Variants in COL26A1 observed in about 807,000 individuals in gnomAD.
COL26A1 encodes collagen alpha-1(XXVI) chain.
A neutral mutation model predicts 59.3 loss-of-function variants in COL26A1; 41 were observed. The observed-to-expected ratio is 0.69, with a 90% CI of 0.54 to 0.90. The LOEUF (loss-of-function observed/expected upper bound fraction) is 0.90, where lower values mean the gene tolerates loss of function less well. COL26A1 is among the 40% of genes least tolerant of loss of function. The pLI is 0.00. For missense variants in COL26A1, 612 were observed against 602.3 expected, an observed-to-expected ratio of 1.02 and a Z score of -0.17; for synonymous variants, 266 against 256.0, an observed-to-expected ratio of 1.04 and a Z score of -0.37.
chr7:101,557,403 A>C lies in COL26A1; in HGVS notation c.1199A>C (p.Gln400Pro), dbSNP rs1343210634. The C allele has an allele frequency of 6.2e-7, 1 of 1,613,798 alleles. No homozygotes were observed. Among genetic ancestry groups the C allele is most frequent in the South Asian group, 1.1e-5 (1 of 91,044 alleles). ...PLASPEGGSGQDAALRANLKM... is the reference protein window; with the variant it reads ...PLASPEGGSGPDAALRANLKM... ...GCCTCCCCAGAGGGAGGTTCTGGCC[A>C]GGATGCTGCCCTGAGAGCCAACCTC... The change falls in exon 13 of 13, where the codon CAG (glutamine) becomes CCG (proline). Residue 400 changes from glutamine (Q) to proline (P), a missense_variant. Gln to Pro is a moderately conservative substitution (Grantham distance 76). Transcript: ENST00000313669.
At chr7:101,400,309 G>A (rs1433946089) in intron 1 of COL26A1, among the ~76,000 whole-genome samples, 1 of 148,286 alleles carries the variant, frequency 6.7e-6, no homozygotes, top group African/African-American at 2.5e-5. Context: ...AGTGGGCTTT[G>A]TCCCTTCCAG....
intron 3 of COL26A1, among the ~76,000 whole-genome samples, chr7:101,515,991 G>A (rs974033801): frequency 5.9e-5 from 9 of 152,184 alleles, no homozygotes; most frequent in African/African-American, 1.7e-4. Context: ...GGGATGCTTT[G>A]TAACGCATCG....
intron 2 of COL26A1, among the ~76,000 whole-genome samples, chr7:101,425,222 T>TAA (rs887103976): frequency 9.2e-5 from 14 of 152,030 alleles, no homozygotes; most frequent in Admixed American, 6.5e-4. Context: ...CTGTCTCTAC[T>TAA]AAAAATACAA....
At chr7:101,460,225 T>G (rs1184699292) in intron 3 of COL26A1, among the ~76,000 whole-genome samples, 1 of 151,622 alleles carries the variant, frequency 6.6e-6, no homozygotes, top group East Asian at 1.9e-4. Context: ...TGGTGGAGAG[T>G]GTGCAGGGGC....
chr7:101,549,250 G>T, intron 9 of COL26A1, 27 bp downstream of exon 9: 3 of 1,571,242 alleles, frequency 1.9e-6, no homozygotes, highest in African/African-American at 2.7e-5. Context: ...TTTAGGTAGG[G>T]TGTGGGAGGC....
At chr7:101,441,851 T>C (rs947172983) in intron 2 of COL26A1, among the ~76,000 whole-genome samples, 3 of 152,150 alleles carry the variant, frequency 2.0e-5, no homozygotes, top group Admixed American at 1.3e-4. Context: ...GTCTGTATTT[T>C]GCAAACCCAG....
chr7:101,489,758 CTTTCTTTCTT>C (rs1563007785), intron 3 of COL26A1, among the ~76,000 whole-genome samples: 7 of 3,864 alleles, frequency 1.8e-3, no homozygotes, highest in East Asian at 0.01. Flanking sequence ...TCTTGTCTCT[CTTTCTTTCTT>C]TCTTTCTTTC....
chr7:101,442,579 G>T (rs1793085022), intron 2 of COL26A1, among the ~76,000 whole-genome samples: 1 of 152,180 alleles, frequency 6.6e-6, no homozygotes, highest in South Asian at 2.1e-4. Context: ...ACATCATATA[G>T]GGTTAAAATA....
chr7:101,364,003 G>T (rs1291731654), intron 1 of COL26A1, among the ~76,000 whole-genome samples: 1 of 152,156 alleles, frequency 6.6e-6, no homozygotes, highest in Non-Finnish European at 1.5e-5. Context: ...ACCCCGGGAC[G>T]TGGAACCGGC....
At chr7:101,508,822 G>A (rs112888272) in intron 3 of COL26A1, among the ~76,000 whole-genome samples, 3,306 of 152,152 alleles carry the variant, frequency 0.022, 115 homozygotes, top group African/African-American at 0.076. Context: ...GTATTAGTTC[G>A]TTTTGTGTTG....
At chr7:101,544,732 C>T (rs1343834535) in intron 6 of COL26A1, among the ~76,000 whole-genome samples, 1 of 151,940 alleles carries the variant, frequency 6.6e-6, no homozygotes, top group Non-Finnish European at 1.5e-5. Flanking sequence ...AGGGTTTCAC[C>T]ATGTTGGCCA....
chr7:101,427,978 G>A (rs554977807), intron 2 of COL26A1, among the ~76,000 whole-genome samples: 7 of 152,228 alleles, frequency 4.6e-5, no homozygotes, highest in East Asian at 3.9e-4. Flanking sequence ...CTCTTCCTAC[G>A]ACACATTTCT....
At position 101,434,088 on chromosome 7, in the gene COL26A1, C is replaced by CT. The variant is rs1491588519; in HGVS notation, c.282-13596_282-13595insT. On this transcript the variant is annotated intron_variant, in intron 2 of 12. Transcript: ENST00000313669. ...TCCCTCCCTCCCTCCCTCCCTCCCT[C>CT]CCTCTTTCTTTCTGCTTTCTTTCTT... Among the ~76,000 whole-genome samples, 83 of 98,586 alleles carry CT rather than the reference C, an allele frequency of 8.4e-4. 5 individuals are homozygous for CT. Among genetic ancestry groups the CT allele is most frequent in the African/African-American group, 3.1e-3 (79 of 25,474 alleles). The allele number at this position is 98,586 out of a possible 152,430, so 64.7% of individuals were successfully genotyped here.
intron 11 of COL26A1, among the ~76,000 whole-genome samples, chr7:101,554,824 C>T (rs1486328049): frequency 1.3e-5 from 2 of 152,110 alleles, no homozygotes; most frequent in Non-Finnish European, 2.9e-5. Context: ...CAGCCAGGTC[C>T]CTTGGTCTCC....
chr7:101,424,085 C>T (rs1201886226), intron 2 of COL26A1, among the ~76,000 whole-genome samples: 1 of 151,772 alleles, frequency 6.6e-6, no homozygotes, highest in Non-Finnish European at 1.5e-5. Context: ...GTGGTGCGCA[C>T]CTGTACTTGG....
At chr7:101,498,726 T>A (rs1279470258) in intron 3 of COL26A1, among the ~76,000 whole-genome samples, 1 of 152,216 alleles carries the variant, frequency 6.6e-6, no homozygotes, top group African/African-American at 2.4e-5. Context: ...AGTGAGATGT[T>A]CTTCTAGACA....
rs11983760 is a variant in COL26A1, at chr7:101,557,892, T to G, written c.*362T>G. Reference sequence around the variant, plus strand: ...GTTACGTTGTCTCATTATTTAACCCTTAGGAGGTAAGCTTATTATCCCCAC... The same window carrying G: ...GTTACGTTGTCTCATTATTTAACCCGTAGGAGGTAAGCTTATTATCCCCAC... On this transcript the variant is annotated 3_prime_UTR_variant, in exon 13 of 13. Transcript: ENST00000313669. 0.027 allele frequency: 4,987 copies of G among 181,588 alleles called. 246 individuals carry two copies. The highest frequency in any genetic ancestry group is 0.11 in the African/African-American group (4,672 of 42,762). The allele number at this position is 181,588 out of a possible 1,614,324, so 11.2% of individuals were successfully genotyped here.
intron 2 of COL26A1, among the ~76,000 whole-genome samples, chr7:101,430,042 T>C (rs1407975996): frequency 2.0e-5 from 3 of 152,202 alleles, no homozygotes; most frequent in Non-Finnish European, 4.4e-5. Flanking sequence ...GGAGAATTGG[T>C]ATTTTTAGCA....
At chr7:101,505,633 A>C (rs1794797894) in intron 3 of COL26A1, among the ~76,000 whole-genome samples, 1 of 152,212 alleles carries the variant, frequency 6.6e-6, no homozygotes, top group Non-Finnish European at 1.5e-5. Flanking sequence ...ATAGGCTGGA[A>C]GCCTAGGCCA....
Sources: allele counts gnomAD v4.1 joint callset (sites outside exome capture counted in the v4.1 genomes callset), GRCh38; gene constraint gnomAD v4.1.1; transcripts MANE v1.5; gene names NCBI Gene and HGNC (gene_info 2026-07-23, HGNC 2026-07-21).